GART: variants seen among roughly 807,000 people sequenced by gnomAD.
The protein encoded by GART is trifunctional purine biosynthetic protein adenosine-3.
A neutral mutation model predicts 107.2 loss-of-function variants in GART; 43 were observed. The observed-to-expected ratio is 0.40, with a 90% CI of 0.31 to 0.52. GART has a LOEUF of 0.52. Among genes scored for constraint, GART ranks in the 20% least tolerant of loss-of-function variants. The probability of loss-of-function intolerance (pLI) is 0.52; values close to 1 mark genes in which losing one functional copy is unlikely to be tolerated. For missense variants in GART, 1,107 were observed against 1,206.5 expected, an observed-to-expected ratio of 0.92 and a Z score of 1.22; for synonymous variants, 434 against 427.0, an observed-to-expected ratio of 1.02 and a Z score of -0.20.
intron 13 of GART, 78 bp downstream of exon 13, chr21:33,520,828 A>G: frequency 8.9e-7 from 1 of 1,120,768 alleles, no homozygotes; most frequent in East Asian, 2.4e-5. Flanking sequence ...ATATATGTCA[A>G]GAGAAGAAAA....
intron 16 of GART, among the ~76,000 whole-genome samples, chr21:33,512,176 C>T (rs1049711426): frequency 1.8e-4 from 27 of 149,906 alleles, no homozygotes; most frequent in African/African-American, 5.6e-4. Context: ...CCCAGCTACT[C>T]GGGAGGCTGA....
intron 10 of GART, among the ~76,000 whole-genome samples, 172 bp from the exon 11 acceptor site, chr21:33,525,172 T>C (rs992181932): frequency 2.0e-5 from 3 of 151,138 alleles, no homozygotes; most frequent in South Asian, 2.1e-4. Context: ...ACTGCTTGAG[T>C]CCATGAGTTC....
chr21:33,526,218 G>C (rs2085071016), intron 10 of GART, among the ~76,000 whole-genome samples: 1 of 150,544 alleles, frequency 6.6e-6, no homozygotes, highest in African/African-American at 2.5e-5. Flanking sequence ...ACCTAGGCTG[G>C]AGTGTGCAGT....
chr21:33,507,313 CAT>C (rs1227136604), intron 18 of GART, among the ~76,000 whole-genome samples: 1 of 152,146 alleles, frequency 6.6e-6, no homozygotes, highest in Admixed American at 6.5e-5. Context: ...ACAAACCTCA[CAT>C]GTTCTCACTT....
At chr21:33,541,996 T>G (rs1213819508) in intron 1 of GART, 69 bp downstream of exon 1, 1 of 152,218 alleles carries the variant, frequency 6.6e-6, no homozygotes, top group Non-Finnish European at 1.5e-5. Flanking sequence ...TTTCACTCAG[T>G]TCGCGATCTT....
At chr21:33,541,804 C>CAATTTAGGG (rs2085434502) in intron 1 of GART, among the ~76,000 whole-genome samples, 1 of 152,080 alleles carries the variant, frequency 6.6e-6, no homozygotes, top group Non-Finnish European at 1.5e-5. Flanking sequence ...GAAAGTACAC[C>CAATTTAGGG]AATTTAGGGT....
intron 16 of GART, 103 bp from the exon 17 acceptor site, chr21:33,511,561 T>C (rs2084786553): frequency 8.4e-7 from 1 of 1,186,740 alleles, no homozygotes. Flanking sequence ...CAGGCTCTGC[T>C]ATTTTATGTA....
At chr21:33,523,417 A>G (rs2085008536) in intron 11 of GART, among the ~76,000 whole-genome samples, 1 of 152,182 alleles carries the variant, frequency 6.6e-6, no homozygotes, top group African/African-American at 2.4e-5. Flanking sequence ...TAACTTAAAT[A>G]ATTCAGACTA....
chr21:33,528,825 T>C (rs1210146612), intron 8 of GART, 25 bp downstream of exon 8: 5 of 1,513,122 alleles, frequency 3.3e-6, no homozygotes, highest in Non-Finnish European at 3.6e-6. Context: ...ATAGGTGGCT[T>C]CCATAGTAAT....
intron 2 of GART, among the ~76,000 whole-genome samples, chr21:33,538,923 G>C (rs1382774804): frequency 2.0e-5 from 3 of 152,118 alleles, no homozygotes; most frequent in Non-Finnish European, 2.9e-5. Flanking sequence ...TGGGACTACA[G>C]GCACCCGCCA....
chr21:33,514,910 CTT>C (rs1601185062), intron 16 of GART, among the ~76,000 whole-genome samples: 2 of 152,202 alleles, frequency 1.3e-5, no homozygotes, highest in African/African-American at 4.8e-5. Context: ...ACCTCTGACT[CTT>C]CAGTTCTCTC....
rs977492755 is a variant in GART at position 33,512,319 on chromosome 21, T to TTC, written c.2108-863_2108-862dup. Among the ~76,000 whole-genome samples, 7 of 140,592 alleles carry TTC rather than the reference T, an allele frequency of 5.0e-5. No individual in the cohort carries two copies. In the East Asian group the frequency reaches 6.1e-4, roughly 12 times the overall value. The allele number at this position is 140,592 out of a possible 152,430, so 92.2% of individuals were successfully genotyped here. Reference sequence around the variant, plus strand: ...AAAAAAAAAAAAAAAAAAGAATACATTCTCTCTTATCACAAATAATACAAC... The same window carrying TTC: ...AAAAAAAAAAAAAAAAAAGAATACATTCTCTCTCTTATCACAAATAATACAAC... On this transcript the variant is annotated intron_variant, in intron 16 of 21. Transcript: ENST00000381815.
At chr21:33,529,832 A>G (rs564307305) in intron 7 of GART, 2 of 154,460 alleles carry the variant, frequency 1.3e-5, no homozygotes, top group Non-Finnish European at 2.9e-5. Flanking sequence ...ACTATCTTCA[A>G]TGAAAAGAAT....
Position 33,503,943 on chromosome 21 carries a change from G to A in GART, c.*181C>T, listed in dbSNP as rs112844081. 2 of 501,078 alleles carry A rather than the reference G, an allele frequency of 4.0e-6. No homozygotes were observed. Among genetic ancestry groups the A allele is most frequent in the South Asian group, 4.6e-5 (1 of 21,628 alleles). The allele number at this position is 501,078 out of a possible 1,614,324, so 31.0% of individuals were successfully genotyped here. On this transcript the variant is annotated 3_prime_UTR_variant, in exon 22 of 22. Coordinates refer to ENST00000381815, the MANE Select transcript of GART (RefSeq NM_000819.5). Reference sequence around the variant, plus strand: ...CAAGAAAACTGTATGTCTCAGATATGCTGCACTAACTAGTCTTGTTTTTAG... The same window carrying A: ...CAAGAAAACTGTATGTCTCAGATATACTGCACTAACTAGTCTTGTTTTTAG...
rs567722854 is a variant in GART at position 33,539,105 on chromosome 21, T to C, written c.145+66A>G. 60 of 1,460,346 alleles carry C rather than the reference T, an allele frequency of 4.1e-5. No homozygotes were observed. In the African/African-American group the frequency reaches 7.6e-4, roughly 18 times the overall value. 90.5% of individuals were successfully genotyped at this position (1,460,346 alleles called of 1,614,324 possible). On this transcript the variant is annotated intron_variant, in intron 2 of 21. Transcript: ENST00000381815. ...TATCTTTATTAACATAAAGTACAGA[T>C]ATGGTTGACAGCATACCATTAATAA... is the stretch of plus-strand genomic sequence containing the variant.
chr21:33,519,510 C>T (rs1338657247), intron 14 of GART, among the ~76,000 whole-genome samples: 4 of 147,776 alleles, frequency 2.7e-5, no homozygotes, highest in African/African-American at 5.0e-5. Flanking sequence ...GCCAAGATTG[C>T]GCCACTGCAC....
chr21:33,539,124 T>C (rs1462439366), intron 2 of GART, 47 bp downstream of exon 2: 1 of 1,548,838 alleles, frequency 6.5e-7, no homozygotes, highest in South Asian at 1.2e-5. Flanking sequence ...CAGCATACCA[T>C]TAATAACAAA....
At chr21:33,532,617 A>AT (rs2085214473) in intron 4 of GART, among the ~76,000 whole-genome samples, 161 bp from the exon 5 acceptor site, 1 of 152,190 alleles carries the variant, frequency 6.6e-6, no homozygotes, top group African/African-American at 2.4e-5. Flanking sequence ...TCCCACCAGG[A>AT]TTTTTTCCCC....
intron 10 of GART, among the ~76,000 whole-genome samples, chr21:33,525,208 G>A (rs142745485): frequency 1.3e-5 from 2 of 151,490 alleles, no homozygotes; most frequent in East Asian, 3.9e-4. Context: ...AACAGAGCAA[G>A]ACCTCGCCTC....
Sources: allele counts gnomAD v4.1 joint callset (sites outside exome capture counted in the v4.1 genomes callset), GRCh38; gene constraint gnomAD v4.1.1; transcripts MANE v1.5; gene names NCBI Gene and HGNC (gene_info 2026-07-23, HGNC 2026-07-21).